Variants in GUCY1A2 observed in about 807,000 individuals in gnomAD.
GUCY1A2 encodes the protein guanylate cyclase 1 soluble subunit alpha 2.
Under a neutral mutation model 63.5 loss-of-function variants are expected in GUCY1A2, and 27 were observed. That is an observed-to-expected ratio of 0.43 (90% CI 0.31 to 0.59). The LOEUF (loss-of-function observed/expected upper bound fraction) is 0.59. Among genes scored for constraint, GUCY1A2 ranks in the 20% least tolerant of loss-of-function variants. The probability of loss-of-function intolerance (pLI) is 0.11; values close to 1 mark genes in which losing one functional copy is unlikely to be tolerated. For synonymous variants in GUCY1A2, 364 were observed against 343.5 expected (o/e 1.06, Z -0.66); for missense variants, 768 against 913.3 (o/e 0.84, Z 2.05).
intron 1 of GUCY1A2, among the ~76,000 whole-genome samples, chr11:107,008,222 T>G (rs1591362415): frequency 7.3e-6 from 1 of 137,160 alleles, no homozygotes; most frequent in African/African-American, 2.6e-5. Flanking sequence ...GAGGCTGTGG[T>G]GAGCCAAGAT....
intron 1 of GUCY1A2, 108 bp downstream of exon 1, chr11:107,017,645 C>A: frequency 1.1e-5 from 6 of 538,660 alleles, no homozygotes; most frequent in South Asian, 5.2e-5. Context: ...GGCCGGGCCG[C>A]CCCCCAGCGG....
At chr11:106,780,463 G>A (rs1335148715) in intron 5 of GUCY1A2, among the ~76,000 whole-genome samples, 4 of 152,148 alleles carry the variant, frequency 2.6e-5, no homozygotes, top group African/African-American at 7.2e-5. Context: ...AGGGATTGGG[G>A]TGGAGGGGAG....
intron 4 of GUCY1A2, chr11:106,936,548 A>G: frequency 1.7e-6 from 1 of 574,026 alleles, no homozygotes; most frequent in Non-Finnish European, 3.0e-6. Flanking sequence ...AGGGAGAGAG[A>G]AGAATATGTG....
chr11:107,011,693 T>C (rs1227446516), intron 1 of GUCY1A2, among the ~76,000 whole-genome samples: 1 of 148,266 alleles, frequency 6.7e-6, no homozygotes, highest in Non-Finnish European at 1.5e-5. Flanking sequence ...TAATCACTGA[T>C]GTCATTTCTC....
At chr11:106,843,832 T>A (rs985957363) in intron 4 of GUCY1A2, among the ~76,000 whole-genome samples, 2 of 151,888 alleles carry the variant, frequency 1.3e-5, no homozygotes, top group Admixed American at 1.3e-4. Flanking sequence ...CCTATCCTTA[T>A]TTTTAATGTC....
rs753741317 is a variant in GUCY1A2 at position 107,018,079 on chromosome 11, C to A, written c.-24G>T. The stretch of plus-strand genomic sequence containing the variant: ...ATGCTGCCGGCGGAGCTGCAGCGGC[C>A]GAGGCGGTGGCGGCGAGGACGCGAG... On this transcript the variant is annotated 5_prime_UTR_variant, in exon 1 of 8. Coordinates refer to ENST00000526355, the MANE Select transcript of GUCY1A2 (RefSeq NM_000855.3). 1 of 1,416,088 alleles carries A rather than the reference C, an allele frequency of 7.1e-7. No individual in the cohort carries two copies. Among genetic ancestry groups the A allele is most frequent in the Non-Finnish European group, 9.3e-7 (1 of 1,070,262 alleles). The allele number at this position is 1,416,088 out of a possible 1,614,324, so 87.7% of individuals were successfully genotyped here.
intron 4 of GUCY1A2, among the ~76,000 whole-genome samples, chr11:106,846,404 T>TA (rs1859274386): frequency 6.6e-6 from 1 of 151,632 alleles, no homozygotes. Flanking sequence ...TAAAACTTTT[T>TA]AAAATCCAAA....
chr11:106,873,148 T>A (rs1364644855), intron 4 of GUCY1A2, among the ~76,000 whole-genome samples: 3 of 152,328 alleles, frequency 2.0e-5, no homozygotes, highest in Middle Eastern at 3.4e-3. Context: ...ATGTACCACA[T>A]TTTCTTTATC....
chr11:106,785,668 C>A (rs1040750919), intron 5 of GUCY1A2, among the ~76,000 whole-genome samples: 2 of 151,986 alleles, frequency 1.3e-5, no homozygotes, highest in Admixed American at 1.3e-4. Context: ...TTGCAAAATT[C>A]AGGACAACCT....
At position 106,900,248 on chromosome 11, in the gene GUCY1A2, A is replaced by ATATC. The variant is rs376108781; in HGVS notation, c.1206+39208_1206+39211dup. On this transcript the variant is annotated intron_variant, in intron 4 of 7. Transcript: ENST00000526355. ...ACCCAGGCTGGAGTACAGCGGCACT[A>ATATC]TATCTGCTCCCCGCAACCTCCACCT... 2.8e-3 allele frequency among the ~76,000 whole-genome samples: 426 copies of ATATC among 152,266 alleles called. 1 individual carries two copies. Among genetic ancestry groups the ATATC allele is most frequent in the African/African-American group, 9.7e-3 (401 of 41,552 alleles).
intron 5 of GUCY1A2, among the ~76,000 whole-genome samples, chr11:106,805,526 G>A (rs778165596): frequency 5.9e-5 from 9 of 152,234 alleles, no homozygotes; most frequent in Non-Finnish European, 8.8e-5. Context: ...GATTACAGGC[G>A]TGAGCCACCG....
intron 1 of GUCY1A2, among the ~76,000 whole-genome samples, chr11:107,011,656 G>A (rs1394916895): frequency 6.8e-6 from 1 of 146,722 alleles, no homozygotes. Context: ...TATAGTCAGA[G>A]TGTCTGACTT....
chr11:106,799,131 A>AGCCAAATCAT (rs1864822288), intron 5 of GUCY1A2, among the ~76,000 whole-genome samples: 1 of 150,072 alleles, frequency 6.7e-6, no homozygotes, highest in Admixed American at 6.7e-5. Context: ...AGAAAAACAG[A>AGCCAAATCAT]GAGCTCCATT....
chr11:106,747,184 T>C (rs1008556460), intron 6 of GUCY1A2, among the ~76,000 whole-genome samples: 20 of 152,206 alleles, frequency 1.3e-4, no homozygotes, highest in African/African-American at 3.4e-4. Flanking sequence ...GAGATGGAGT[T>C]TCACCGTGTT....
Position 106,976,651 on chromosome 11 carries a change from T to G in GUCY1A2, c.487+1968A>C, listed in dbSNP as rs142786534. Among the ~76,000 whole-genome samples the G allele has an allele frequency of 2.1e-3, 321 of 152,222 alleles. 3 individuals are homozygous for G. Among genetic ancestry groups the G allele is most frequent in the Admixed American group, 0.017 (262 of 15,290 alleles). ...AATGTTAATGTTAATCTTCAGAAATTTAAACTTTACAAGATTGTGCTTTAA... is the reference window on the plus strand; with the variant it reads ...AATGTTAATGTTAATCTTCAGAAATGTAAACTTTACAAGATTGTGCTTTAA... On this transcript the variant is annotated intron_variant, in intron 3 of 7. Coordinates refer to ENST00000526355, the MANE Select transcript of GUCY1A2 (RefSeq NM_000855.3).
chr11:106,678,860 A>G lies in GUCY1A2; in HGVS notation c.*8689T>C, dbSNP rs1000731708. 8.4e-5 allele frequency: 16 copies of G among 189,782 alleles called. No homozygotes were observed. The highest frequency in any genetic ancestry group is 2.3e-5 in the African/African-American group (1 of 43,012). The allele number at this position is 189,782 out of a possible 1,614,324, so 11.8% of individuals were successfully genotyped here. A position where few individuals can be genotyped will look rare whatever the true frequency, so the allele number is the denominator to read the frequency against. Reference sequence around the variant, plus strand: ...TTGCAAACCCTGGCTCAATGCCACAATTTTTAAGTCTGTCATATTTATGAC... The same window carrying G: ...TTGCAAACCCTGGCTCAATGCCACAGTTTTTAAGTCTGTCATATTTATGAC... On this transcript the variant is annotated 3_prime_UTR_variant, in exon 8 of 8. Transcript: ENST00000526355.
chr11:106,753,605 T>C (rs117725134), intron 6 of GUCY1A2, among the ~76,000 whole-genome samples: 38,534 of 151,972 alleles, frequency 0.25, 5,737 homozygotes, highest in Non-Finnish European at 0.33. Context: ...TTCCCAACAC[T>C]GTTTATTAAA....
chr11:106,922,926 G>A (rs565999991), intron 4 of GUCY1A2, among the ~76,000 whole-genome samples: 4 of 151,796 alleles, frequency 2.6e-5, no homozygotes, highest in Non-Finnish European at 5.9e-5. Context: ...ATAAAGGAAG[G>A]TGACTAGGGA....
At chr11:106,846,083 G>A (rs886728411) in intron 4 of GUCY1A2, among the ~76,000 whole-genome samples, 1 of 151,588 alleles carries the variant, frequency 6.6e-6, no homozygotes, top group Non-Finnish European at 1.5e-5. Context: ...TTAACATCAG[G>A]ACACTTTAGA....
Sources: gnomAD v4.1 joint callset for allele counts (sites outside exome capture counted in the v4.1 genomes callset) on GRCh38, gnomAD v4.1.1 for gene constraint, MANE v1.5 for transcripts, NCBI Gene and HGNC (gene_info 2026-07-23, HGNC 2026-07-21) for gene names.